The following CPA5 variants were observed in gnomAD, a reference collection of about 807,000 sequenced individuals.
CPA5 encodes the protein carboxypeptidase A5, also known as testicular tissue protein Li 32.
CPA5 carries 38 observed loss-of-function variants against 52.2 expected under a neutral mutation model. That is an observed-to-expected ratio of 0.73 (90% CI 0.56 to 0.95). The LOEUF (loss-of-function observed/expected upper bound fraction) is 0.95, where lower values mean the gene tolerates loss of function less well. Ranked by LOEUF, CPA5 falls within the 40% of genes least tolerant of loss-of-function variation. The probability of loss-of-function intolerance (pLI) is 0.00; values close to 1 mark genes in which losing one functional copy is unlikely to be tolerated. For missense variants in CPA5, 519 were observed against 566.7 expected (o/e 0.92, Z 0.86); for synonymous variants, 198 against 213.7 (o/e 0.93, Z 0.64).
chr7:130,349,826 C>A, intron 4 of CPA5, 149 bp from the exon 5 acceptor site: 3 of 827,466 alleles, frequency 3.6e-6, no homozygotes, highest in Non-Finnish European at 3.8e-6. Context: ...CGCTGAGGGG[C>A]TTTGGGACAT....
At chr7:130,352,539 C>A (rs1554404222) in intron 5 of CPA5, among the ~76,000 whole-genome samples, 1 of 152,136 alleles carries the variant, frequency 6.6e-6, no homozygotes, top group Admixed American at 6.5e-5. Context: ...GGGGCCCCCA[C>A]CCCGATTGGT....
chr7:130,348,413 C>A (rs1554402931), intron 4 of CPA5, among the ~76,000 whole-genome samples: 1 of 152,212 alleles, frequency 6.6e-6, no homozygotes, highest in African/African-American at 2.4e-5. Context: ...GTGGTCAAAG[C>A]CCTTGCTCCT....
intron 3 of CPA5, among the ~76,000 whole-genome samples, chr7:130,347,047 G>A (rs1381643454): frequency 6.6e-6 from 1 of 152,164 alleles, no homozygotes; most frequent in African/African-American, 2.4e-5. Flanking sequence ...CTCTGTGGAT[G>A]TACTTTGAGC....
In CPA5 at chr7:130,361,047, G is replaced by A. The variant is rs1795762743; in HGVS notation, c.433-96G>A. ...GGGTCTAAATACCCAAAGCATTGAA[G>A]AGAGTGGGAAGGGACAGGGAGAACA... On this transcript the variant is annotated intron_variant, in intron 6 of 12. Transcript: ENST00000474905. 6.4e-6 allele frequency: 5 copies of A among 785,596 alleles called. No individual in the cohort carries two copies. In the Admixed American group the frequency reaches 1.0e-4, roughly 16 times the overall value. The allele number at this position is 785,596 out of a possible 1,614,324, so 48.7% of individuals were successfully genotyped here.
chr7:130,356,530 G>T (rs1166479155), intron 5 of CPA5, among the ~76,000 whole-genome samples: 1 of 152,222 alleles, frequency 6.6e-6, no homozygotes, highest in Non-Finnish European at 1.5e-5. Flanking sequence ...GCATTTTCCA[G>T]GCCAAGGCAG....
chr7:130,356,849 G>C (rs114093568), intron 5 of CPA5, among the ~76,000 whole-genome samples: 298 of 152,294 alleles, frequency 2.0e-3, no homozygotes, highest in African/African-American at 6.8e-3. Flanking sequence ...GAGACCCTTT[G>C]CCTTGTCCTC....
chr7:130,346,685 G>T (rs909113317), intron 3 of CPA5, 84 bp downstream of exon 3: 8 of 1,066,856 alleles, frequency 7.5e-6, no homozygotes, highest in Non-Finnish European at 8.6e-6. Flanking sequence ...TGCCCTGCTG[G>T]TGCCTGATCA....
At chr7:130,363,951 G>A (rs1554407560) in intron 10 of CPA5, among the ~76,000 whole-genome samples, 2 of 152,202 alleles carry the variant, frequency 1.3e-5, no homozygotes, top group Non-Finnish European at 2.9e-5. Context: ...TTCCCCGAGA[G>A]CTAGGACCTG....
chr7:130,368,097 C>A, intron 12 of CPA5, 107 bp downstream of exon 12: 2 of 1,055,926 alleles, frequency 1.9e-6, no homozygotes, highest in South Asian at 1.3e-5. Flanking sequence ...GCCTCCCACA[C>A]TGGATAGAAG....
chr7:130,351,082 A>G (rs1554403842), intron 5 of CPA5, among the ~76,000 whole-genome samples: 1 of 152,242 alleles, frequency 6.6e-6, no homozygotes, highest in Non-Finnish European at 1.5e-5. Context: ...CGCATCAGGC[A>G]GCATTCCGTT....
chr7:130,357,580 G>A (rs908867184), intron 5 of CPA5, among the ~76,000 whole-genome samples: 4 of 150,092 alleles, frequency 2.7e-5, no homozygotes, highest in East Asian at 1.9e-4. Context: ...GCGAGATCAC[G>A]CCACTGTACT....
intron 5 of CPA5, among the ~76,000 whole-genome samples, chr7:130,357,646 T>C (rs1463634026): frequency 2.0e-5 from 3 of 151,868 alleles, no homozygotes; most frequent in South Asian, 4.2e-4. Flanking sequence ...AAAGTTCTTA[T>C]TGAAGTAGTA....
At chr7:130,358,204 G>C (rs1177574626) in intron 5 of CPA5, among the ~76,000 whole-genome samples, 1 of 151,966 alleles carries the variant, frequency 6.6e-6, no homozygotes, top group Non-Finnish European at 1.5e-5. Flanking sequence ...TTGCTTTGTT[G>C]CCCAGGCTGG....
intron 2 of CPA5, 35 bp from the exon 3 acceptor site, chr7:130,346,355 ATGC>A (rs2117269081): frequency 3.3e-6 from 2 of 613,168 alleles, no homozygotes; most frequent in South Asian, 4.8e-5. Flanking sequence ...TGGGAGCCAC[ATGC>A]TGGGTGCCCC....
intron 3 of CPA5, among the ~76,000 whole-genome samples, chr7:130,347,359 G>A (rs1244385469): frequency 2.0e-5 from 3 of 152,218 alleles, no homozygotes; most frequent in African/African-American, 7.2e-5. Flanking sequence ...CTCGCGAAGA[G>A]CCCTTGGGGC....
intron 5 of CPA5, among the ~76,000 whole-genome samples, chr7:130,355,878 C>T (rs554659323): frequency 6.6e-6 from 1 of 152,324 alleles, no homozygotes; most frequent in South Asian, 2.1e-4. Context: ...GGCATCTGTC[C>T]CCTCAGTGGT....
chr7:130,357,310 G>T (rs931627429), intron 5 of CPA5, among the ~76,000 whole-genome samples: 6 of 152,172 alleles, frequency 3.9e-5, no homozygotes, highest in African/African-American at 1.4e-4. Context: ...CGCTCTTCCT[G>T]ACGGGGGTGG....
intron 5 of CPA5, among the ~76,000 whole-genome samples, chr7:130,357,572 G>A (rs1404383370): frequency 6.7e-6 from 1 of 150,260 alleles, no homozygotes; most frequent in East Asian, 1.9e-4. Context: ...GCGGTGAGGC[G>A]AGATCACGCC....
chr7:130,346,019 A>G (rs568344275), intron 2 of CPA5, 123 bp downstream of exon 2: 1 of 152,732 alleles, frequency 6.5e-6, no homozygotes, highest in African/African-American at 2.4e-5. Context: ...CTCTAAGTCC[A>G]GCGGTGTTTC....
Sources: gnomAD v4.1 joint callset for allele counts (sites outside exome capture counted in the v4.1 genomes callset) on GRCh38, gnomAD v4.1.1 for gene constraint, MANE v1.5 for transcripts, NCBI Gene and HGNC (gene_info 2026-07-23, HGNC 2026-07-21) for gene names.